Variants in HDAC8 observed in about 807,000 individuals in gnomAD.
HDAC8 encodes the protein histone deacetylase-like 1.
HDAC8 carries 1 observed loss-of-function variant against 32.2 expected under a neutral mutation model. That is an observed-to-expected ratio of 0.03 (90% CI 0.01 to 0.15). The LOEUF is 0.15. Among genes scored for constraint, HDAC8 ranks in the 10% least tolerant of loss-of-function variants. HDAC8 has a pLI of 1.00. For synonymous variants in HDAC8, 108 were observed against 113.9 expected (o/e 0.95, Z 0.33); for missense variants, 117 against 300.0 (o/e 0.39, Z 4.51).
At chrX:72,499,634 C>A (rs1328062363) in intron 4 of HDAC8, among the ~76,000 whole-genome samples, 1 of 111,752 alleles carries the variant, frequency 8.9e-6, no homozygotes. Context: ...CTCTGGGAAG[C>A]AGCTAAGGCA....
chrX:72,546,571 A>G (rs782405799), intron 4 of HDAC8, among the ~76,000 whole-genome samples: 1 of 111,250 alleles, frequency 9.0e-6, no homozygotes, highest in South Asian at 3.9e-4. Context: ...GGAGGTTAGG[A>G]GTCACCGTGC....
At chrX:72,410,048 A>G (rs1382725706) in intron 9 of HDAC8, among the ~76,000 whole-genome samples, 1 of 112,045 alleles carries the variant, frequency 8.9e-6, no homozygotes, top group African/African-American at 3.2e-5. Context: ...AGCTGGCTTA[A>G]ACTTTCAGAG....
intron 10 of HDAC8, among the ~76,000 whole-genome samples, chrX:72,337,998 C>T (rs1323536307): frequency 2.7e-5 from 3 of 112,068 alleles, no homozygotes; most frequent in Non-Finnish European, 3.8e-5. Flanking sequence ...GTCGACGAGT[C>T]TCAACCCCAA....
At chrX:72,438,273 T>A (rs1463446241) in intron 9 of HDAC8, among the ~76,000 whole-genome samples, 1 of 111,636 alleles carries the variant, frequency 9.0e-6, no homozygotes, top group East Asian at 2.8e-4. Flanking sequence ...GAAGGAAAAC[T>A]AACAAACAGA....
At chrX:72,387,041 C>A (rs1345899907) in intron 9 of HDAC8, among the ~76,000 whole-genome samples, 1 of 111,817 alleles carries the variant, frequency 8.9e-6, no homozygotes, top group Non-Finnish European at 1.9e-5. Flanking sequence ...GAATCAAAAC[C>A]GAAAACTCTA....
chrX:72,495,086 C>T (rs187010682), intron 5 of HDAC8, 70 bp downstream of exon 5: 10 of 705,692 alleles, frequency 1.4e-5, no homozygotes, highest in Middle Eastern at 3.1e-4. Flanking sequence ...TACCAGTTGC[C>T]TAGAAGCAGC....
chrX:72,467,953 G>A lies in HDAC8; in HGVS notation c.738-3222C>T, dbSNP rs190572015. 41 of 1,183,347 alleles carry A rather than the reference G, an allele frequency of 3.5e-5. No individual in the cohort carries two copies. In the African/African-American group the frequency reaches 6.7e-4, roughly 19 times the overall value. On this transcript the variant is annotated intron_variant, in intron 7 of 10. Coordinates refer to ENST00000373573, the MANE Select transcript of HDAC8 (RefSeq NM_018486.3). ...GCAGGCAGGTGTTTCTGGAGTAGTT[G>A]TTTTGATTATAGCCAGGTAGGGAAA...
At chrX:72,441,270 A>G (rs1269472761) in intron 9 of HDAC8, among the ~76,000 whole-genome samples, 1 of 112,538 alleles carries the variant, frequency 8.9e-6, no homozygotes, top group Non-Finnish European at 1.9e-5. Context: ...CGAGCAGCCT[A>G]ACTGGGAGGG....
chrX:72,397,841 T>G (rs1218951036), intron 9 of HDAC8, among the ~76,000 whole-genome samples: 1 of 112,321 alleles, frequency 8.9e-6, no homozygotes, highest in African/African-American at 3.2e-5. Flanking sequence ...ATTTTAATTG[T>G]TTCATAGTAT....
chrX:72,358,156 A>T (rs2044430391), intron 9 of HDAC8, among the ~76,000 whole-genome samples: 1 of 110,843 alleles, frequency 9.0e-6, no homozygotes, highest in African/African-American at 3.3e-5. Flanking sequence ...ACCTTAAGTG[A>T]TCCGCTCGCC....
At chrX:72,343,538 C>T (rs1555945829) in intron 10 of HDAC8, among the ~76,000 whole-genome samples, 1 of 111,266 alleles carries the variant, frequency 9.0e-6, no homozygotes, top group African/African-American at 3.3e-5. Context: ...GTCACCTCCT[C>T]CGAGAGGTCT....
intron 9 of HDAC8, among the ~76,000 whole-genome samples, chrX:72,361,234 C>T (rs1224897818): frequency 1.8e-5 from 2 of 111,575 alleles, no homozygotes; most frequent in African/African-American, 6.5e-5. Context: ...AGTGCATGGT[C>T]GTGCCAAGAA....
At chrX:72,438,704 C>G (rs1487409577) in intron 9 of HDAC8, among the ~76,000 whole-genome samples, 1 of 110,229 alleles carries the variant, frequency 9.1e-6, no homozygotes, top group Admixed American at 9.7e-5. Context: ...AAGTGGAAGA[C>G]AGGATATCAG....
chrX:72,372,634 C>G (rs781982778), intron 9 of HDAC8, among the ~76,000 whole-genome samples: 36 of 111,035 alleles, frequency 3.2e-4, no homozygotes, highest in African/African-American at 1.2e-3. Context: ...GTTTTAAACT[C>G]TATGATGATG....
intron 5 of HDAC8, 112 bp downstream of exon 5, chrX:72,495,044 A>G: frequency 2.0e-6 from 1 of 493,381 alleles, no homozygotes; most frequent in Non-Finnish European, 3.3e-6. Flanking sequence ...TAAATTCTCA[A>G]TTAGGAAAAT....
intron 10 of HDAC8, among the ~76,000 whole-genome samples, chrX:72,348,037 C>T (rs1399017421): frequency 2.7e-5 from 3 of 112,021 alleles, no homozygotes; most frequent in Admixed American, 9.5e-5. Flanking sequence ...CTGTAGCATG[C>T]GGAACACATC....
At chrX:72,508,487 C>A (rs1556020143) in intron 4 of HDAC8, among the ~76,000 whole-genome samples, 1 of 112,433 alleles carries the variant, frequency 8.9e-6, no homozygotes, top group Non-Finnish European at 1.9e-5. Context: ...ATTTTTAAAA[C>A]CACTTTATTA....
chrX:72,378,382 C>T (rs894114452), intron 9 of HDAC8, among the ~76,000 whole-genome samples: 9 of 111,444 alleles, frequency 8.1e-5, no homozygotes, highest in Non-Finnish European at 1.7e-4. Context: ...GATTTTGCCT[C>T]TTTGCATGTG....
At chrX:72,507,459 A>G (rs2049432378) in intron 4 of HDAC8, among the ~76,000 whole-genome samples, 1 of 111,507 alleles carries the variant, frequency 9.0e-6, no homozygotes, top group Admixed American at 9.5e-5. Flanking sequence ...AATCCCCCCC[A>G]ACCTTTTGTT....
Sources: allele counts gnomAD v4.1 joint callset (sites outside exome capture counted in the v4.1 genomes callset), GRCh38; gene constraint gnomAD v4.1.1; transcripts MANE v1.5; gene names NCBI Gene and HGNC (gene_info 2026-07-23, HGNC 2026-07-21).